ZFHX4: variants seen among roughly 807,000 people sequenced by gnomAD.
ZFHX4 encodes zinc finger homeobox protein 4.
ZFHX4 carries 56 observed loss-of-function variants against 267.6 expected under a neutral mutation model. The observed-to-expected ratio is 0.21, with a 90% confidence interval of 0.17 to 0.26. ZFHX4 has a LOEUF of 0.26. Among genes scored for constraint, ZFHX4 ranks in the 10% least tolerant of loss-of-function variants. The pLI is 1.00. For missense variants in ZFHX4, 4,332 were observed against 4,420.0 expected, an observed-to-expected ratio of 0.98 and a Z score of 0.56; for synonymous variants, 1,778 against 1,665.6, an observed-to-expected ratio of 1.07 and a Z score of -1.64.
At chr8:76,766,864 TG>T (rs58240241) in intron 3 of ZFHX4, among the ~76,000 whole-genome samples, 45,119 of 151,848 alleles carry the variant, frequency 0.3, 9,570 homozygotes, top group African/African-American at 0.59. Context: ...AAATGGAACC[TG>T]TGCTTTTTCA....
intron 4 of ZFHX4, among the ~76,000 whole-genome samples, chr8:76,795,137 A>T (rs1291690192): frequency 6.6e-6 from 1 of 152,232 alleles, no homozygotes; most frequent in Non-Finnish European, 1.5e-5. Flanking sequence ...ATCTGGTAAC[A>T]GAAGAACAAA....
intron 3 of ZFHX4, among the ~76,000 whole-genome samples, chr8:76,738,007 A>T (rs1809210898): frequency 6.6e-6 from 1 of 152,176 alleles, no homozygotes; most frequent in Non-Finnish European, 1.5e-5. Context: ...AAATAAAGAG[A>T]ACAAATATTT....
Position 76,838,183 on chromosome 8 carries a change from A to G in ZFHX4, c.3395-4472A>G, listed in dbSNP as rs547487101. Among the ~76,000 whole-genome samples, 4 of 152,338 alleles carry G rather than the reference A, an allele frequency of 2.6e-5. No individual in the cohort carries two copies. The East Asian group carries it at 7.7e-4, about 29-fold the overall frequency. The stretch of plus-strand genomic sequence containing the variant: ...CAGTTGGGTTTCTTGAACGGTGGTT[A>G]CAAAATGTGAGCTGGACCAGGAACA... On this transcript the variant is annotated intron_variant, in intron 5 of 10. Transcript: ENST00000651372.
At chr8:76,779,944 GA>G (rs1264779256) in intron 4 of ZFHX4, among the ~76,000 whole-genome samples, 2 of 151,870 alleles carry the variant, frequency 1.3e-5, no homozygotes, top group Non-Finnish European at 2.9e-5. Flanking sequence ...ACTGTGCTTG[GA>G]TAAGAATATT....
At chr8:76,798,965 A>G (rs1157786850) in intron 4 of ZFHX4, among the ~76,000 whole-genome samples, 1 of 152,178 alleles carries the variant, frequency 6.6e-6, no homozygotes, top group Non-Finnish European at 1.5e-5. Flanking sequence ...TTGTTTATTC[A>G]AAAGGACATG....
At chr8:76,830,152 C>A (rs1395229178) in intron 4 of ZFHX4, among the ~76,000 whole-genome samples, 2 of 152,090 alleles carry the variant, frequency 1.3e-5, no homozygotes, top group Non-Finnish European at 2.9e-5. Flanking sequence ...AGCAGATATT[C>A]TGTAAAATGT....
At chr8:76,708,262 C>G in intron 3 of ZFHX4, 1 of 607,018 alleles carries the variant, frequency 1.6e-6, no homozygotes, top group Non-Finnish European at 2.8e-6. Context: ...CTCACTTACA[C>G]CTGTCTCAGT....
intron 1 of ZFHX4, among the ~76,000 whole-genome samples, chr8:76,688,329 T>C (rs1807743278): frequency 1.3e-5 from 2 of 152,008 alleles, no homozygotes; most frequent in Non-Finnish European, 2.9e-5. Context: ...TGGGAAAGAG[T>C]TGTGTAATCT....
chr8:76,706,750 A>G (rs1374180027), intron 2 of ZFHX4, 72 bp downstream of exon 2: 11 of 1,432,030 alleles, frequency 7.7e-6, no homozygotes, highest in African/African-American at 2.9e-5. Flanking sequence ...ATGCACCCAG[A>G]TAAAATGGTG....
At chr8:76,713,555 T>C (rs890819478) in intron 3 of ZFHX4, among the ~76,000 whole-genome samples, 7 of 152,222 alleles carry the variant, frequency 4.6e-5, no homozygotes, top group African/African-American at 1.7e-4. Flanking sequence ...AATACTCTTA[T>C]GCTCTTTTCT....
At chr8:76,686,200 C>T (rs905351804) in intron 1 of ZFHX4, among the ~76,000 whole-genome samples, 3 of 152,242 alleles carry the variant, frequency 2.0e-5, no homozygotes, top group African/African-American at 7.2e-5. Context: ...TCCTAAAAAA[C>T]GTACACCAGA....
intron 3 of ZFHX4, among the ~76,000 whole-genome samples, chr8:76,744,301 A>C (rs1265041496): frequency 6.6e-6 from 1 of 152,152 alleles, no homozygotes; most frequent in Non-Finnish European, 1.5e-5. Context: ...AGTCGAGATC[A>C]TGCCACTGCA....
intron 4 of ZFHX4, among the ~76,000 whole-genome samples, chr8:76,795,848 T>G (rs2131816117): frequency 6.6e-6 from 1 of 152,280 alleles, no homozygotes; most frequent in East Asian, 1.9e-4. Context: ...TATTGAATAT[T>G]TGCATGTTTT....
intron 3 of ZFHX4, among the ~76,000 whole-genome samples, chr8:76,768,579 C>A (rs1395415911): frequency 4.6e-5 from 7 of 152,106 alleles, no homozygotes; most frequent in African/African-American, 1.7e-4. Flanking sequence ...TGAGGGGGCA[C>A]CCATGTGTCT....
At chr8:76,778,088 GAAAA>G in intron 3 of ZFHX4, 116 bp from the exon 4 acceptor site, 1 of 687,398 alleles carries the variant, frequency 1.5e-6, no homozygotes, top group Non-Finnish European at 2.6e-6. Context: ...CGTCTTATAA[GAAAA>G]ATGCATTTGA....
At chr8:76,719,518 T>C (rs1563482611) in intron 3 of ZFHX4, among the ~76,000 whole-genome samples, 1 of 151,380 alleles carries the variant, frequency 6.6e-6, no homozygotes. Context: ...GTAAGCCTTT[T>C]CTTTTTCTAC....
At chr8:76,782,776 G>A (rs1049614688) in intron 4 of ZFHX4, among the ~76,000 whole-genome samples, 8 of 151,894 alleles carry the variant, frequency 5.3e-5, no homozygotes, top group South Asian at 2.1e-4. Context: ...TTTCTTGAGC[G>A]TAAAAACAAC....
At position 76,855,367 on chromosome 8, in the gene ZFHX4, G is replaced by A. The variant is rs772365818; in HGVS notation, c.8446G>A (p.Gly2816Arg). 2.5e-6 allele frequency: 4 copies of A among 1,613,478 alleles called. No homozygotes were observed. The highest frequency in any genetic ancestry group is 1.3e-5 in the African/African-American group (1 of 74,876). The change falls in exon 10 of 11, where the codon GGA becomes AGA. Residue 2816 changes from glycine (G) to arginine (R), a missense_variant. Transcript: ENST00000651372. ...INTAISDATT[G>R]DEGNTEMEST... ...TACGGCAATCAGTGACGCCACCACC[G>A]GAGACGAGGGAAACACTGAAATGGA... is the stretch of plus-strand genomic sequence containing the variant.
In ZFHX4 at chr8:76,850,989, A is replaced by C; in HGVS notation, c.4068A>C (p.Glu1356Asp). The C allele has an allele frequency of 6.2e-7, 1 of 1,613,914 alleles. No homozygotes were observed. Among genetic ancestry groups the C allele is most frequent in the Non-Finnish European group, 8.5e-7 (1 of 1,179,846 alleles). ...EEQKPTKEPL[E>D]VSEWNKNSSK... is the part of the protein sequence containing the mutation. The stretch of plus-strand genomic sequence containing the variant: ...AGAAACCGACTAAAGAACCCTTGGA[A>C]GTCTCAGAATGGAATAAAAATAGCA... Residue 1356 changes from glutamate (E) to aspartate (D), a missense_variant, in exon 10 of 11, where the codon GAA becomes GAC. By Grantham distance (45) the Glu-to-Asp change is conservative (BLOSUM62 2). Coordinates refer to ENST00000651372, the MANE Select transcript of ZFHX4 (RefSeq NM_024721.5).
Sources: gnomAD v4.1 joint callset for allele counts (sites outside exome capture counted in the v4.1 genomes callset) on GRCh38, gnomAD v4.1.1 for gene constraint, MANE v1.5 for transcripts, NCBI Gene and HGNC (gene_info 2026-07-23, HGNC 2026-07-21) for gene names.